The following LMNTD1 variants were observed in gnomAD, a reference collection of about 807,000 sequenced individuals.
The protein encoded by LMNTD1 is lamin tail domain-containing protein 1.
A neutral mutation model predicts 50.9 loss-of-function variants in LMNTD1; 35 were observed. That is an observed-to-expected ratio of 0.69 (90% CI 0.53 to 0.91). The LOEUF is 0.91. LMNTD1 is among the 40% of genes least tolerant of loss of function. LMNTD1 has a pLI of 0.00. For missense variants in LMNTD1, 470 were observed against 475.5 expected (o/e 0.99, Z 0.11); for synonymous variants, 153 against 161.9 (o/e 0.94, Z 0.42).
chr12:25,541,581 TA>T (rs1943077839), intron 4 of LMNTD1, among the ~76,000 whole-genome samples: 1 of 72,152 alleles, frequency 1.4e-5, no homozygotes, highest in African/African-American at 4.1e-5. Context: ...CAAGATGGAT[TA>T]AAGACTTAAA....
intron 9 of LMNTD1, among the ~76,000 whole-genome samples, chr12:25,479,209 T>G (rs893776837): frequency 5.3e-5 from 8 of 152,170 alleles, no homozygotes; most frequent in African/African-American, 1.9e-4. Context: ...GGAATCGCTG[T>G]TGTGTCTACT....
intron 9 of LMNTD1, among the ~76,000 whole-genome samples, chr12:25,491,462 T>C (rs1254668185): frequency 6.6e-6 from 1 of 152,228 alleles, no homozygotes; most frequent in Non-Finnish European, 1.5e-5. Flanking sequence ...CAACGTAACG[T>C]GCCTGTATGG....
chr12:25,616,353 T>C (rs576086797), intron 1 of LMNTD1, among the ~76,000 whole-genome samples: 1 of 152,060 alleles, frequency 6.6e-6, no homozygotes, highest in African/African-American at 2.4e-5. Flanking sequence ...AACTCAACAA[T>C]AAAAAAGAAT....
intron 1 of LMNTD1, among the ~76,000 whole-genome samples, chr12:25,587,000 A>T (rs1945549217): frequency 6.6e-6 from 1 of 152,180 alleles, no homozygotes. Context: ...AACCACATGT[A>T]GTTCACTTAA....
chr12:25,643,894 G>C (rs993607152), intron 1 of LMNTD1, among the ~76,000 whole-genome samples: 7 of 152,280 alleles, frequency 4.6e-5, no homozygotes, highest in African/African-American at 1.7e-4. Context: ...TTTATGGTCA[G>C]GAACTGGACA....
rs149680342 is a variant in LMNTD1 at position 25,521,472 on chromosome 12, G to A, written c.799-1397C>T. Among the ~76,000 whole-genome samples the A allele has an allele frequency of 9.9e-5, 15 of 152,252 alleles. No individual in the cohort carries two copies. In the East Asian group the frequency reaches 2.7e-3, roughly 27 times the overall value. ...CATTTACCTGTGTGTGCGGCTTAGC[G>A]AACTACATGATGAGGATACAGAGTA... On this transcript the variant is annotated intron_variant, in intron 6 of 9. Coordinates refer to ENST00000458174, the MANE Select transcript of LMNTD1 (RefSeq NM_001145728.2).
rs149171811 is a variant in LMNTD1, at chr12:25,561,038, C to T, written c.59-14484G>A. ...ATACCCTTTTTTTCTTTCTCTTGCC[C>T]GATTGCCTTGGCCAGAATTTCCAAC... On this transcript the variant is annotated intron_variant, in intron 1 of 7. Coordinates refer to the LMNTD1 transcript ENST00000445693. 6.7e-3 allele frequency among the ~76,000 whole-genome samples: 1,013 copies of T among 152,140 alleles called. 8 individuals are homozygous for T. The highest frequency in any genetic ancestry group is 0.023 in the African/African-American group (971 of 41,528).
At chr12:25,643,528 C>T (rs1296631868) in intron 1 of LMNTD1, among the ~76,000 whole-genome samples, 1 of 152,192 alleles carries the variant, frequency 6.6e-6, no homozygotes, top group Non-Finnish European at 1.5e-5. Context: ...GAAAATATCC[C>T]AGGAAGTTCT....
intron 4 of LMNTD1, among the ~76,000 whole-genome samples, chr12:25,545,208 T>A (rs1943356608): frequency 6.6e-6 from 1 of 151,754 alleles, no homozygotes; most frequent in Non-Finnish European, 1.5e-5. Flanking sequence ...CTCCTCATAT[T>A]TGAAAGATAG....
At chr12:25,538,308 A>G (rs954590972) in intron 4 of LMNTD1, among the ~76,000 whole-genome samples, 3 of 149,448 alleles carry the variant, frequency 2.0e-5, no homozygotes, top group African/African-American at 7.4e-5. Context: ...AAAAAATGTT[A>G]AGGGCAACCA....
At chr12:25,644,815 A>G (rs1947031539) in intron 1 of LMNTD1, among the ~76,000 whole-genome samples, 1 of 152,214 alleles carries the variant, frequency 6.6e-6, no homozygotes, top group African/African-American at 2.4e-5. Context: ...TGATAGGAGC[A>G]GACACATTTC....
At chr12:25,497,292 T>C (rs1306223674) in intron 9 of LMNTD1, among the ~76,000 whole-genome samples, 4 of 152,044 alleles carry the variant, frequency 2.6e-5, no homozygotes, top group Non-Finnish European at 5.9e-5. Context: ...CCTCTTCCTG[T>C]GTGGAACCTG....
At chr12:25,574,492 G>A (rs184152926) in intron 1 of LMNTD1, among the ~76,000 whole-genome samples, 1 of 152,006 alleles carries the variant, frequency 6.6e-6, no homozygotes. Context: ...ATGTCATGAA[G>A]GATTAAATAA....
chr12:25,561,888 G>T (rs1944343381), intron 1 of LMNTD1, among the ~76,000 whole-genome samples: 1 of 152,150 alleles, frequency 6.6e-6, no homozygotes, highest in South Asian at 2.1e-4. Context: ...TTACCATTAT[G>T]TAATGGCCTT....
chr12:25,607,651 A>G (rs1388281666), intron 1 of LMNTD1, among the ~76,000 whole-genome samples: 3 of 152,276 alleles, frequency 2.0e-5, no homozygotes, highest in Non-Finnish European at 4.4e-5. Flanking sequence ...GTTTTGAGTG[A>G]GTTTCTTAAT....
intron 6 of LMNTD1, among the ~76,000 whole-genome samples, 157 bp from the exon 7 acceptor site, chr12:25,520,232 C>A (rs938007806): frequency 7.0e-6 from 1 of 143,850 alleles, no homozygotes; most frequent in East Asian, 2.1e-4. Context: ...CACGTAGTTA[C>A]TTTTTTATGA....
intron 1 of LMNTD1, among the ~76,000 whole-genome samples, chr12:25,623,411 GGGCATGGT>G (rs961775620): frequency 1.3e-5 from 2 of 151,706 alleles, no homozygotes; most frequent in Non-Finnish European, 2.9e-5. Context: ...AAAATTAGCT[GGGCATGGT>G]GGCATGCACC....
chr12:25,636,260 T>C (rs1946831477), intron 1 of LMNTD1, among the ~76,000 whole-genome samples: 1 of 151,812 alleles, frequency 6.6e-6, no homozygotes, highest in Non-Finnish European at 1.5e-5. Context: ...ATATCAAGAA[T>C]CTACAATGAA....
At chr12:25,580,440 T>A (rs981997980) in intron 1 of LMNTD1, among the ~76,000 whole-genome samples, 12 of 152,158 alleles carry the variant, frequency 7.9e-5, no homozygotes, top group Non-Finnish European at 2.9e-5. Context: ...TCCCAGTTGC[T>A]GGCATTATTT....
Sources: allele counts gnomAD v4.1 joint callset (sites outside exome capture counted in the v4.1 genomes callset), GRCh38; gene constraint gnomAD v4.1.1; transcripts MANE v1.5; gene names NCBI Gene and HGNC (gene_info 2026-07-23, HGNC 2026-07-21).